PTPN13: variants seen among roughly 807,000 people sequenced by gnomAD.
The protein encoded by PTPN13 is protein tyrosine phosphatase non-receptor type 13.
PTPN13 carries 191 observed loss-of-function variants against 284.0 expected under a neutral mutation model. The ratio of observed to expected loss-of-function variants is 0.67; its 90% CI spans 0.60 to 0.76. The LOEUF (loss-of-function observed/expected upper bound fraction) is 0.76, where lower values mean the gene tolerates loss of function less well. Among genes scored for constraint, PTPN13 ranks in the 30% least tolerant of loss-of-function variants. The probability of loss-of-function intolerance (pLI) is 0.00; values close to 1 mark genes in which losing one functional copy is unlikely to be tolerated. For synonymous variants in PTPN13, 986 were observed against 1,022.3 expected (o/e 0.96, Z 0.68); for missense variants, 2,797 against 2,939.9 (o/e 0.95, Z 1.12).
intron 1 of PTPN13, among the ~76,000 whole-genome samples, chr4:86,630,229 A>T (rs1722322014): frequency 6.6e-6 from 1 of 152,206 alleles, no homozygotes; most frequent in Non-Finnish European, 1.5e-5. Context: ...CAATTTTTAA[A>T]GTATTTCTTG....
chr4:86,600,128 T>G (rs1764165781), intron 1 of PTPN13, among the ~76,000 whole-genome samples: 2 of 152,124 alleles, frequency 1.3e-5, no homozygotes, highest in Admixed American at 1.3e-4. Context: ...AGAGAAAATT[T>G]TTTTCTTATA....
intron 46 of PTPN13, among the ~76,000 whole-genome samples, chr4:86,810,784 A>AG (rs1339616863): frequency 1.3e-5 from 2 of 152,246 alleles, no homozygotes; most frequent in African/African-American, 4.8e-5. Flanking sequence ...GTCACACTTC[A>AG]GGGGGAAGAT....
Position 86,701,263 on chromosome 4 carries a change from A to G in PTPN13, c.657A>G (p.Val219=). ...LPTGRSSTSD[V]LDIQKPPLSH... ...CAGGAAGAAGCTCTACTTCTGATGT[A>G]CTAGACATACAAAAGCCTCCACTCT... The change falls in exon 7 of 48, where the codon GTA becomes GTG. Residue 219 remains valine (V), a synonymous_variant. Transcript: ENST00000411767. The G allele has an allele frequency of 6.3e-7, 1 of 1,591,102 alleles. No homozygotes were observed. Among genetic ancestry groups the G allele is most frequent in the Non-Finnish European group, 8.5e-7 (1 of 1,170,494 alleles).
intron 35 of PTPN13, among the ~76,000 whole-genome samples, chr4:86,775,959 C>G (rs1309233001): frequency 6.6e-6 from 1 of 151,922 alleles, no homozygotes; most frequent in Non-Finnish European, 1.5e-5. Context: ...GTTTTCTTTT[C>G]TTTTTTAGAC....
At chr4:86,795,348 C>T (rs967541177) in intron 40 of PTPN13, among the ~76,000 whole-genome samples, 2 of 152,216 alleles carry the variant, frequency 1.3e-5, no homozygotes, top group African/African-American at 4.8e-5. Flanking sequence ...GATACCATCT[C>T]ATGCCGGTTA....
Position 86,734,466 on chromosome 4 carries a change from C to T in PTPN13, c.2012+10C>T. ...ATGTTAGTCTAATACAGTGAGTACA[C>T]AAGAGTTTCTCTTTTGCTCTTTTTG... On this transcript the variant is annotated intron_variant, in intron 13 of 47. Coordinates refer to ENST00000411767, the MANE Select transcript of PTPN13 (RefSeq NM_080683.3). 6.6e-7 allele frequency: 1 copy of T among 1,525,476 alleles called. No homozygotes were observed. Among genetic ancestry groups the T allele is most frequent in the Non-Finnish European group, 8.8e-7 (1 of 1,135,626 alleles). The allele number at this position is 1,525,476 out of a possible 1,614,324, so 94.5% of individuals were successfully genotyped here. A position where few individuals can be genotyped will look rare whatever the true frequency, so the allele number is the denominator to read the frequency against.
chr4:86,672,991 T>C (rs1034638110), intron 3 of PTPN13, among the ~76,000 whole-genome samples: 1 of 152,192 alleles, frequency 6.6e-6, no homozygotes, highest in Admixed American at 6.5e-5. Flanking sequence ...TCATCAGGCA[T>C]TAGATTCTCA....
At chr4:86,770,271 G>T in intron 30 of PTPN13, 72 bp downstream of exon 30, 1 of 1,369,898 alleles carries the variant, frequency 7.3e-7, no homozygotes, top group South Asian at 1.2e-5. Context: ...CAGCTGTGGT[G>T]GTTTCATCAT....
Position 86,702,468 on chromosome 4 carries a change from T to C in PTPN13, c.1195+667T>C, listed in dbSNP as rs573994685. ...CTCCAAGTCTAAATTACTCCATCTA[T>C]AAAATGGGCTTCTCAAAGTAGGTTA... On this transcript the variant is annotated intron_variant, in intron 7 of 47. Coordinates refer to ENST00000411767, the MANE Select transcript of PTPN13 (RefSeq NM_080683.3). 2.0e-5 allele frequency among the ~76,000 whole-genome samples: 3 copies of C among 152,290 alleles called. No homozygotes were observed. In the East Asian group the frequency reaches 5.8e-4, roughly 29 times the overall value.
intron 7 of PTPN13, among the ~76,000 whole-genome samples, chr4:86,710,129 G>T (rs1231176456): frequency 6.6e-6 from 1 of 151,964 alleles, no homozygotes; most frequent in Non-Finnish European, 1.5e-5. Context: ...CTTAATATAT[G>T]AATACATAAT....
At chr4:86,653,699 A>G (rs1427724224) in intron 2 of PTPN13, among the ~76,000 whole-genome samples, 1 of 152,162 alleles carries the variant, frequency 6.6e-6, no homozygotes, top group Non-Finnish European at 1.5e-5. Context: ...CATTTGCTTC[A>G]AAAGAAGTGA....
intron 44 of PTPN13, among the ~76,000 whole-genome samples, chr4:86,806,033 T>C (rs1282421258): frequency 3.3e-5 from 5 of 151,890 alleles, no homozygotes; most frequent in Non-Finnish European, 7.4e-5. Context: ...GGCTCATGCT[T>C]ATAATCCCAG....
chr4:86,802,919 A>ATT, intron 42 of PTPN13, among the ~76,000 whole-genome samples: 1 of 151,998 alleles, frequency 6.6e-6, no homozygotes, highest in East Asian at 1.9e-4. Flanking sequence ...AAAAAAATAC[A>ATT]AAAAATTACC....
At chr4:86,602,634 A>G (rs1764398423) in intron 1 of PTPN13, among the ~76,000 whole-genome samples, 1 of 151,578 alleles carries the variant, frequency 6.6e-6, no homozygotes, top group Non-Finnish European at 1.5e-5. Context: ...ATTTTTACAC[A>G]CTTACTAGAA....
chr4:86,766,432 G>C lies in PTPN13; in HGVS notation c.4244G>C (p.Gly1415Ala). The change falls in exon 27 of 48, where the codon GGT becomes GCT. Residue 1415 changes from glycine (G) to alanine (A), a missense_variant and splice_region_variant. Coordinates refer to ENST00000411767, the MANE Select transcript of PTPN13 (RefSeq NM_080683.3). ...AAESDGRIHK[G>A]DRVLAVNGVS... is the part of the protein sequence containing the mutation. The stretch of plus-strand genomic sequence containing the variant: ...ATGATTTGAACTGCCTAATTTTTAG[G>C]TGATCGCGTCCTAGCTGTCAATGGA... 6.2e-7 allele frequency: 1 copy of C among 1,602,908 alleles called. No individual in the cohort carries two copies. Among genetic ancestry groups the C allele is most frequent in the Non-Finnish European group, 8.5e-7 (1 of 1,176,210 alleles).
In PTPN13 at chr4:86,722,401, C is replaced by T. The variant is rs752316591; in HGVS notation, c.1575C>T (p.Ala525=). The change falls in exon 10 of 48, where the codon GCC becomes GCT. Residue 525 remains alanine, a synonymous_variant. Transcript: ENST00000411767. ...CCAGGGATCCGTTAAGAGAAATTGCCCTAGAAACAGCCATGACTCAAAGAA... is the reference window on the plus strand; with the variant it reads ...CCAGGGATCCGTTAAGAGAAATTGCTCTAGAAACAGCCATGACTCAAAGAA... ...DITRDPLREI[A]LETAMTQRKL... is the part of the protein sequence containing the mutation. 1.2e-6 allele frequency: 2 copies of T among 1,613,528 alleles called. No individual in the cohort carries two copies. Among genetic ancestry groups the T allele is most frequent in the Admixed American group, 3.3e-5 (2 of 59,986 alleles).
intron 9 of PTPN13, among the ~76,000 whole-genome samples, chr4:86,719,052 T>C (rs1733350390): frequency 6.6e-6 from 1 of 152,158 alleles, no homozygotes; most frequent in Non-Finnish European, 1.5e-5. Context: ...GACAGGGGTT[T>C]GTATACATAC....
At chr4:86,712,987 A>ATTCTTT (rs563161175) in intron 7 of PTPN13, among the ~76,000 whole-genome samples, 182 of 152,258 alleles carry the variant, frequency 1.2e-3, no homozygotes, top group African/African-American at 4.1e-3. Flanking sequence ...ATTCAGATTA[A>ATTCTTT]AATTTATTTA....
chr4:86,672,380 C>T lies in PTPN13; in HGVS notation c.131C>T (p.Pro44Leu). 1 of 1,549,570 alleles carries T rather than the reference C, an allele frequency of 6.5e-7. No homozygotes were observed. The highest frequency in any genetic ancestry group is 8.7e-7 in the Non-Finnish European group (1 of 1,146,588). ...TACAAACCAGTAAGCCTAGCTGATC[C>T]TGCTGCCCTTGGCTTCATCATTTCT... Reference protein sequence around the residue: ...ELFRKVSLADPAALGFIISPW... With the variant: ...ELFRKVSLADLAALGFIISPW... Residue 44 changes from proline (P) to leucine (L), a missense_variant, in exon 3 of 48, where the codon CCT becomes CTT. Transcript: ENST00000411767.
Sources: allele counts gnomAD v4.1 joint callset (sites outside exome capture counted in the v4.1 genomes callset), GRCh38; gene constraint gnomAD v4.1.1; transcripts MANE v1.5; gene names NCBI Gene and HGNC (gene_info 2026-07-23, HGNC 2026-07-21).